ODAD2: variants seen among roughly 807,000 people sequenced by gnomAD.
The protein encoded by ODAD2 is outer dynein arm-docking complex subunit 2.
ODAD2 carries 89 observed loss-of-function variants against 106.8 expected under a neutral mutation model. That is an observed-to-expected ratio of 0.83 (90% CI 0.70 to 0.99). ODAD2 has a LOEUF of 0.99. Among genes scored for constraint, ODAD2 ranks in the 50% least tolerant of loss-of-function variants. ODAD2 has a pLI of 0.00. For missense variants in ODAD2, 1,168 were observed against 1,238.5 expected, an observed-to-expected ratio of 0.94 and a Z score of 0.85; for synonymous variants, 404 against 436.2, an observed-to-expected ratio of 0.93 and a Z score of 0.92.
At chr10:27,819,833 T>TA (rs34381002) in intron 19 of ODAD2, among the ~76,000 whole-genome samples, 41 of 145,154 alleles carry the variant, frequency 2.8e-4, no homozygotes, top group East Asian at 1.8e-3. Flanking sequence ...CTTATCTCTT[T>TA]AAAAAAAAAA....
chr10:27,959,033 A>T, intron 10 of ODAD2: 1 of 1,296,534 alleles, frequency 7.7e-7, no homozygotes, highest in Non-Finnish European at 1.0e-6. Flanking sequence ...CTCTTAATTC[A>T]TCTTCTGAAA....
At position 27,854,176 on chromosome 10, in the gene ODAD2, C is replaced by A. The variant is rs145941046; in HGVS notation, c.3021+6449G>T. Among the ~76,000 whole-genome samples the A allele has an allele frequency of 5.2e-4, 79 of 152,196 alleles. 1 individual carries two copies. In the East Asian group the frequency reaches 0.012, roughly 24 times the overall value. On this transcript the variant is annotated intron_variant, in intron 19 of 19. Coordinates refer to ENST00000305242, the MANE Select transcript of ODAD2 (RefSeq NM_018076.5). ...AATTGAAATTGAAATCATAAGATAC[C>A]ATGACATACCTGTTAGAATGTCTAA... is the stretch of plus-strand genomic sequence containing the variant.
At chr10:27,985,460 A>G (rs190603591) in intron 3 of ODAD2, among the ~76,000 whole-genome samples, 1 of 152,356 alleles carries the variant, frequency 6.6e-6, no homozygotes, top group Admixed American at 6.5e-5. Context: ...AATAGCACAA[A>G]GACCAAGACA....
intron 17 of ODAD2, among the ~76,000 whole-genome samples, chr10:27,878,157 A>G (rs1449722942): frequency 6.6e-6 from 1 of 152,216 alleles, no homozygotes; most frequent in African/African-American, 2.4e-5. Context: ...AGACAAACAA[A>G]AACAGTCATT....
At chr10:27,963,454 T>A (rs1449079369) in intron 9 of ODAD2, among the ~76,000 whole-genome samples, 1 of 152,164 alleles carries the variant, frequency 6.6e-6, no homozygotes, top group Non-Finnish European at 1.5e-5. Flanking sequence ...CAAAATTACT[T>A]AAAATATGAC....
chr10:27,832,230 G>A (rs1269380836), intron 19 of ODAD2, among the ~76,000 whole-genome samples: 2 of 152,152 alleles, frequency 1.3e-5, no homozygotes, highest in Admixed American at 1.3e-4. Flanking sequence ...TAATTCTCTG[G>A]TACACAATGA....
intron 9 of ODAD2, among the ~76,000 whole-genome samples, chr10:27,967,670 C>T (rs1267367262): frequency 5.9e-5 from 9 of 152,214 alleles, no homozygotes; most frequent in South Asian, 2.1e-4. Flanking sequence ...GCAGGCAGAT[C>T]ACTTGAGGTC....
chr10:27,823,286 A>T (rs1185829280), intron 19 of ODAD2, among the ~76,000 whole-genome samples: 2 of 152,218 alleles, frequency 1.3e-5, no homozygotes, highest in Non-Finnish European at 2.9e-5. Context: ...AGGATGGATT[A>T]AAAAAATCTA....
rs1002211968 is a variant in ODAD2, at chr10:27,934,863, T to C, written c.2495+147A>G. On this transcript the variant is annotated intron_variant, in intron 16 of 19. Transcript: ENST00000305242. ...AATGTTTTGGCTCTGTAACTCATGATTTGGTAAACTTGTGATTATTTATAT... is the reference window on the plus strand; with the variant it reads ...AATGTTTTGGCTCTGTAACTCATGACTTGGTAAACTTGTGATTATTTATAT... The C allele has an allele frequency of 8.2e-6, 9 of 1,094,930 alleles. No homozygotes were observed. In the Admixed American group the frequency reaches 2.1e-4, roughly 25 times the overall value. The allele number at this position is 1,094,930 out of a possible 1,614,324, so 67.8% of individuals were successfully genotyped here. A position where few individuals can be genotyped will look rare whatever the true frequency, so the allele number is the denominator to read the frequency against.
intron 10 of ODAD2, among the ~76,000 whole-genome samples, chr10:27,952,484 C>G (rs2132721189): frequency 6.6e-6 from 1 of 152,086 alleles, no homozygotes. Context: ...GTTTGCTGCA[C>G]CTATCAACCC....
intron 16 of ODAD2, among the ~76,000 whole-genome samples, chr10:27,923,951 A>T (rs543852784): frequency 1.6e-5 from 1 of 62,524 alleles, no homozygotes; most frequent in Non-Finnish European, 3.1e-5. Context: ...CTAATGAAAG[A>T]AAGAAAGAAA....
At chr10:27,894,006 A>T (rs975115694) in intron 17 of ODAD2, among the ~76,000 whole-genome samples, 1 of 151,964 alleles carries the variant, frequency 6.6e-6, no homozygotes, top group African/African-American at 2.4e-5. Flanking sequence ...TTAGCCAGGC[A>T]TGGTGGCTCA....
intron 19 of ODAD2, among the ~76,000 whole-genome samples, chr10:27,849,627 A>G (rs1259017594): frequency 1.3e-5 from 2 of 152,140 alleles, no homozygotes; most frequent in African/African-American, 4.8e-5. Flanking sequence ...GGAAAACTTA[A>G]AAAGAGAGGG....
chr10:27,972,530 A>C (rs1176712383), intron 7 of ODAD2, among the ~76,000 whole-genome samples: 2 of 152,182 alleles, frequency 1.3e-5, no homozygotes, highest in African/African-American at 2.4e-5. Flanking sequence ...GGCCTAAAGA[A>C]ACTATTTTAT....
chr10:27,826,985 C>T (rs367662719), intron 19 of ODAD2, among the ~76,000 whole-genome samples: 3 of 152,232 alleles, frequency 2.0e-5, no homozygotes, highest in African/African-American at 7.2e-5. Context: ...TTCCTCACTT[C>T]TTATTCAAGG....
chr10:27,864,617 G>A (rs1483464320), intron 17 of ODAD2, among the ~76,000 whole-genome samples: 1 of 150,288 alleles, frequency 6.7e-6, no homozygotes, highest in Non-Finnish European at 1.5e-5. Context: ...GGTGAGAGTG[G>A]GGAGTGAGGG....
chr10:27,932,242 G>A (rs909789455), intron 16 of ODAD2, among the ~76,000 whole-genome samples: 8 of 151,972 alleles, frequency 5.3e-5, no homozygotes, highest in Non-Finnish European at 1.0e-4. Context: ...TTAGCCTATA[G>A]TTGGGCAAAA....
chr10:27,877,719 C>T (rs780996336), intron 17 of ODAD2, among the ~76,000 whole-genome samples: 6 of 152,120 alleles, frequency 3.9e-5, no homozygotes, highest in East Asian at 3.8e-4. Flanking sequence ...AAAACCTAGT[C>T]GTTGCCAGTT....
chr10:27,958,838 C>T (rs759878920), intron 10 of ODAD2: 40 of 1,302,648 alleles, frequency 3.1e-5, no homozygotes, highest in East Asian at 1.1e-4. Flanking sequence ...GTCAACTCAC[C>T]CAAGGCCATT....
Sources: gnomAD v4.1 joint callset for allele counts (sites outside exome capture counted in the v4.1 genomes callset) on GRCh38, gnomAD v4.1.1 for gene constraint, MANE v1.5 for transcripts, NCBI Gene and HGNC (gene_info 2026-07-23, HGNC 2026-07-21) for gene names.